Variants in TNNI3K observed in about 807,000 individuals in gnomAD.
The protein encoded by TNNI3K is serine/threonine-protein kinase TNNI3K.
TNNI3K carries 140 observed loss-of-function variants against 114.5 expected under a neutral mutation model. The ratio of observed to expected loss-of-function variants is 1.22; its 90% CI spans 1.07 to 1.41. TNNI3K has a LOEUF of 1.41. Among genes scored for constraint, TNNI3K ranks in the 40% most tolerant of loss-of-function variants. The pLI is 0.00. For missense variants in TNNI3K, 1,125 were observed against 1,007.6 expected (o/e 1.12, Z -1.58); for synonymous variants, 347 against 347.5 (o/e 1.00, Z 0.02).
At chr1:74,396,259 A>C (rs1317436952) in intron 17 of TNNI3K, among the ~76,000 whole-genome samples, 1 of 152,192 alleles carries the variant, frequency 6.6e-6, no homozygotes, top group Non-Finnish European at 1.5e-5. Context: ...ACCCTTATCC[A>C]AACTTGAGGA....
In TNNI3K at chr1:74,250,847, T is replaced by TA; in HGVS notation, c.333+78_333+79insA. ...ATCTTTAGGCTTTTTTTTTTTTTTT[T>TA]CAAATTAGTAATCATGGAAAATTTT... On this transcript the variant is annotated intron_variant, in intron 4 of 24. Transcript: ENST00000326637. The TA allele has an allele frequency of 7.2e-6, 9 of 1,257,478 alleles. No homozygotes were observed. The South Asian group carries it at 1.4e-4, about 19-fold the overall frequency. 77.9% of individuals were successfully genotyped at this position (1,257,478 alleles called of 1,614,324 possible).
intron 5 of TNNI3K, among the ~76,000 whole-genome samples, chr1:74,313,277 G>A (rs1263043553): frequency 1.3e-5 from 2 of 152,048 alleles, no homozygotes; most frequent in East Asian, 1.9e-4. Flanking sequence ...CTCTCACCAC[G>A]TTGACATCAC....
intron 17 of TNNI3K, among the ~76,000 whole-genome samples, chr1:74,400,129 C>A (rs1297237213): frequency 6.6e-6 from 1 of 152,112 alleles, no homozygotes. Context: ...ATAATGCAAT[C>A]CTATATTAAT....
chr1:74,270,458 G>A (rs1449051715), intron 4 of TNNI3K, among the ~76,000 whole-genome samples: 1 of 151,660 alleles, frequency 6.6e-6, no homozygotes, highest in Non-Finnish European at 1.5e-5. Context: ...AAAGGTTGAA[G>A]ATGCAATATT....
chr1:74,504,965 A>C lies in TNNI3K; in HGVS notation c.2351+12699A>C, dbSNP rs77405587. Among the ~76,000 whole-genome samples, 72 of 152,312 alleles carry C rather than the reference A, an allele frequency of 4.7e-4. No homozygotes were observed. In the East Asian group the frequency reaches 0.014, roughly 29 times the overall value. ...TTCGCCGGAGGCAAACTGCTAAATA[A>C]ATGGTGACAGATTTCTCAGTTTTCA... On this transcript the variant is annotated intron_variant, in intron 23 of 24. Transcript: ENST00000326637.
intron 5 of TNNI3K, among the ~76,000 whole-genome samples, chr1:74,327,125 G>T (rs1354891742): frequency 1.3e-5 from 2 of 150,742 alleles, no homozygotes. Flanking sequence ...TGTGCAAATC[G>T]TGTTTAAATT....
intron 20 of TNNI3K, among the ~76,000 whole-genome samples, chr1:74,458,472 T>C (rs1235247325): frequency 2.0e-5 from 3 of 152,152 alleles, no homozygotes; most frequent in Non-Finnish European, 4.4e-5. Context: ...CCTCCTCCCA[T>C]ATTTTTGAAT....
intron 23 of TNNI3K, among the ~76,000 whole-genome samples, chr1:74,511,902 G>T (rs1192579831): frequency 6.6e-6 from 1 of 152,140 alleles, no homozygotes. Context: ...AACAGCAAAG[G>T]GTTGAGTGTG....
chr1:74,396,827 A>G (rs1490292985), intron 17 of TNNI3K, among the ~76,000 whole-genome samples: 1 of 152,242 alleles, frequency 6.6e-6, no homozygotes, highest in Non-Finnish European at 1.5e-5. Flanking sequence ...CAGGGATCAA[A>G]TGAGAAAATA....
At chr1:74,483,441 A>G in intron 21 of TNNI3K, 1 of 673,896 alleles carries the variant, frequency 1.5e-6, no homozygotes, top group African/African-American at 1.8e-5. Context: ...ATTTCTGTAC[A>G]TACAGGTCAT....
chr1:74,299,371 G>A (rs374698254), intron 5 of TNNI3K, among the ~76,000 whole-genome samples: 77 of 151,848 alleles, frequency 5.1e-4, no homozygotes, highest in Non-Finnish European at 8.5e-4. Flanking sequence ...TAGTGTAAGC[G>A]TAACATTTTG....
At chr1:74,316,668 A>T (rs984721303) in intron 5 of TNNI3K, among the ~76,000 whole-genome samples, 51 of 148,348 alleles carry the variant, frequency 3.4e-4, no homozygotes, top group African/African-American at 1.2e-3. Flanking sequence ...CTCTTTTATT[A>T]TTTTTTTTTT....
intron 17 of TNNI3K, among the ~76,000 whole-genome samples, chr1:74,386,677 G>A (rs990482232): frequency 6.6e-5 from 10 of 152,164 alleles, no homozygotes; most frequent in African/African-American, 2.4e-4. Flanking sequence ...TAACTGGTCT[G>A]TGAAAAATAT....
chr1:74,522,485 C>T (rs1027536671), intron 23 of TNNI3K, among the ~76,000 whole-genome samples: 4 of 152,020 alleles, frequency 2.6e-5, no homozygotes, highest in African/African-American at 4.8e-5. Context: ...ACTTGTAGTA[C>T]GAGTTGCATG....
At chr1:74,243,524 T>C (rs548663199) in intron 2 of TNNI3K, among the ~76,000 whole-genome samples, 1 of 152,328 alleles carries the variant, frequency 6.6e-6, no homozygotes, top group African/African-American at 2.4e-5. Context: ...CCTGTCTGAA[T>C]ACCTTGGAGA....
At chr1:74,414,699 C>T (rs1665037294) in intron 17 of TNNI3K, among the ~76,000 whole-genome samples, 2 of 152,246 alleles carry the variant, frequency 1.3e-5, no homozygotes, top group African/African-American at 4.8e-5. Context: ...TCAATAGGTA[C>T]CAAAGACATC....
At chr1:74,521,443 C>T (rs150901551) in intron 23 of TNNI3K, among the ~76,000 whole-genome samples, 1 of 152,152 alleles carries the variant, frequency 6.6e-6, no homozygotes, top group East Asian at 1.9e-4. Context: ...AATATGTATT[C>T]TAATGCAATA....
intron 23 of TNNI3K, among the ~76,000 whole-genome samples, chr1:74,498,396 A>T (rs988708396): frequency 6.6e-6 from 1 of 152,210 alleles, no homozygotes; most frequent in African/African-American, 2.4e-5. Flanking sequence ...GTGCCACGTT[A>T]TAATTCATGT....
intron 4 of TNNI3K, among the ~76,000 whole-genome samples, chr1:74,258,560 T>A (rs558577971): frequency 1.3e-5 from 2 of 152,318 alleles, no homozygotes; most frequent in East Asian, 3.9e-4. Context: ...AAAGTCTATA[T>A]AAGTTGTTCT....
Sources: gnomAD v4.1 joint callset for allele counts (sites outside exome capture counted in the v4.1 genomes callset) on GRCh38, gnomAD v4.1.1 for gene constraint, MANE v1.5 for transcripts, NCBI Gene and HGNC (gene_info 2026-07-23, HGNC 2026-07-21) for gene names.